MAN2A1: variants seen among roughly 807,000 people sequenced by gnomAD.
The protein encoded by MAN2A1 is mannosidase alpha class 2A member 1.
Under a neutral mutation model 142.6 loss-of-function variants are expected in MAN2A1, and 76 were observed. That is an observed-to-expected ratio of 0.53 (90% CI 0.44 to 0.65). The LOEUF (loss-of-function observed/expected upper bound fraction) is 0.65. MAN2A1 is among the 30% of genes least tolerant of loss of function. MAN2A1 has a pLI of 0.00. For missense variants in MAN2A1, 1,311 were observed against 1,365.1 expected, an observed-to-expected ratio of 0.96 and a Z score of 0.62; for synonymous variants, 559 against 473.2, an observed-to-expected ratio of 1.18 and a Z score of -2.35.
At chr5:109,837,656 A>G (rs1561537242) in intron 16 of MAN2A1, among the ~76,000 whole-genome samples, 1 of 152,182 alleles carries the variant, frequency 6.6e-6, no homozygotes, top group Non-Finnish European at 1.5e-5. Flanking sequence ...GGCTCCTGTC[A>G]TTGCGACATA....
intron 5 of MAN2A1, among the ~76,000 whole-genome samples, chr5:109,761,466 A>G (rs977794250): frequency 6.6e-6 from 1 of 152,020 alleles, no homozygotes; most frequent in African/African-American, 2.4e-5. Flanking sequence ...CCGTCTATCA[A>G]TACTGTATGG....
chr5:109,713,232 G>A (rs1290025272), intron 1 of MAN2A1, among the ~76,000 whole-genome samples: 1 of 152,140 alleles, frequency 6.6e-6, no homozygotes, highest in African/African-American at 2.4e-5. Context: ...TTAGGACTGA[G>A]TTTGGGGGGA....
rs943651191 is a variant in MAN2A1, at chr5:109,690,270, G to A, written c.-148G>A. ...GGTGGCGCCGGAGACTAGGTGCGGA[G>A]CAAGGCGGGGACTCGCACCCGCATC... is the stretch of plus-strand genomic sequence containing the variant. On this transcript the variant is annotated 5_prime_UTR_variant, in exon 1 of 22. Coordinates refer to ENST00000261483, the MANE Select transcript of MAN2A1 (RefSeq NM_002372.4). The A allele has an allele frequency of 1.3e-5, 10 of 754,958 alleles. No homozygotes were observed. Among genetic ancestry groups the A allele is most frequent in the Non-Finnish European group, 2.0e-5 (9 of 445,664 alleles). The allele number at this position is 754,958 out of a possible 1,614,324, so 46.8% of individuals were successfully genotyped here.
At chr5:109,721,667 T>G (rs1232553765) in intron 3 of MAN2A1, among the ~76,000 whole-genome samples, 1 of 152,220 alleles carries the variant, frequency 6.6e-6, no homozygotes, top group Non-Finnish European at 1.5e-5. Flanking sequence ...ATATGTGTAT[T>G]GAGATTCTGT....
At chr5:109,781,131 C>T (rs1009176286) in intron 8 of MAN2A1, among the ~76,000 whole-genome samples, 1 of 152,032 alleles carries the variant, frequency 6.6e-6, no homozygotes, top group African/African-American at 2.4e-5. Flanking sequence ...TTTTCATATT[C>T]ACTGATTTGT....
intron 15 of MAN2A1, 38 bp downstream of exon 15, chr5:109,820,380 C>G: frequency 6.4e-7 from 1 of 1,565,850 alleles, no homozygotes; most frequent in Non-Finnish European, 8.7e-7. Context: ...GGAATAAACA[C>G]TTATTGAAAG....
chr5:109,710,125 C>G (rs1357021677), intron 1 of MAN2A1, among the ~76,000 whole-genome samples: 3 of 152,090 alleles, frequency 2.0e-5, no homozygotes, highest in African/African-American at 4.8e-5. Context: ...GCATATATCC[C>G]TAGGCCATAA....
chr5:109,694,643 C>T (rs1045269387), intron 1 of MAN2A1, among the ~76,000 whole-genome samples: 2 of 148,808 alleles, frequency 1.3e-5, no homozygotes, highest in African/African-American at 2.5e-5. Context: ...TTCACTGCTC[C>T]CAGTTGCCTT....
intron 16 of MAN2A1, among the ~76,000 whole-genome samples, chr5:109,827,614 A>AT (rs1389897055): frequency 1.3e-5 from 2 of 152,196 alleles, no homozygotes; most frequent in African/African-American, 2.4e-5. Flanking sequence ...TTCTCTCCAG[A>AT]TTCTGAAAAT....
chr5:109,834,155 A>G (rs942281882), intron 16 of MAN2A1, among the ~76,000 whole-genome samples: 9 of 152,210 alleles, frequency 5.9e-5, no homozygotes, highest in Non-Finnish European at 1.3e-4. Context: ...GGAAGTAGGT[A>G]AGTTCAGAGT....
chr5:109,834,369 G>A (rs995097383), intron 16 of MAN2A1, among the ~76,000 whole-genome samples: 5 of 151,640 alleles, frequency 3.3e-5, no homozygotes, highest in Non-Finnish European at 7.4e-5. Context: ...AACTGATGTC[G>A]GTATTATGAT....
chr5:109,857,543 A>G (rs775235594), intron 20 of MAN2A1, among the ~76,000 whole-genome samples: 7 of 152,114 alleles, frequency 4.6e-5, no homozygotes, highest in Non-Finnish European at 1.5e-5. Flanking sequence ...TGGCTCCTCC[A>G]CTGTAGTTGT....
At chr5:109,705,940 A>G (rs1172577713) in intron 1 of MAN2A1, among the ~76,000 whole-genome samples, 4 of 152,136 alleles carry the variant, frequency 2.6e-5, no homozygotes, top group Non-Finnish European at 5.9e-5. Flanking sequence ...GGGCCTACTC[A>G]GATATTCTAG....
chr5:109,810,195 T>C (rs1226925026), intron 12 of MAN2A1, among the ~76,000 whole-genome samples: 1 of 152,148 alleles, frequency 6.6e-6, no homozygotes, highest in African/African-American at 2.4e-5. Flanking sequence ...TCATGTATAG[T>C]TCTAGTTTCT....
chr5:109,799,281 C>T (rs1030365627), intron 12 of MAN2A1, among the ~76,000 whole-genome samples: 1 of 152,174 alleles, frequency 6.6e-6, no homozygotes, highest in Admixed American at 6.5e-5. Context: ...TTTAACGTGG[C>T]TTGTGTGCCT....
At chr5:109,820,081 A>G (rs1378104405) in intron 14 of MAN2A1, 139 bp from the exon 15 acceptor site, 3 of 825,560 alleles carry the variant, frequency 3.6e-6, no homozygotes, top group East Asian at 2.6e-5. Context: ...GGGTGGCGCT[A>G]CTCCGTGGTC....
chr5:109,710,568 G>T (rs559032554), intron 1 of MAN2A1, among the ~76,000 whole-genome samples: 6 of 151,836 alleles, frequency 4.0e-5, no homozygotes, highest in African/African-American at 1.5e-4. Flanking sequence ...GCAGTGATGC[G>T]ATCTTGGTTC....
At chr5:109,748,875 A>G (rs1752474525) in intron 4 of MAN2A1, among the ~76,000 whole-genome samples, 1 of 151,462 alleles carries the variant, frequency 6.6e-6, no homozygotes, top group Non-Finnish European at 1.5e-5. Flanking sequence ...TTCTCCTATC[A>G]TTATATAAGG....
intron 20 of MAN2A1, among the ~76,000 whole-genome samples, chr5:109,860,598 A>G (rs77875663): frequency 0.019 from 2,938 of 152,292 alleles, 43 homozygotes; most frequent in Middle Eastern, 0.078. Context: ...TTGCACACAT[A>G]ATGTTTACTA....
Sources: allele counts gnomAD v4.1 joint callset (sites outside exome capture counted in the v4.1 genomes callset), GRCh38; gene constraint gnomAD v4.1.1; transcripts MANE v1.5; gene names NCBI Gene and HGNC (gene_info 2026-07-23, HGNC 2026-07-21).